Variants in KIRREL3 observed in about 807,000 individuals in gnomAD.
KIRREL3 encodes kirre like nephrin family adhesion molecule 3.
In KIRREL3, 36 loss-of-function variants were observed where a neutral mutation model predicts 89.7. That is an observed-to-expected ratio of 0.40 (90% CI 0.31 to 0.53). The LOEUF (loss-of-function observed/expected upper bound fraction) is 0.53, where lower values mean the gene tolerates loss of function less well. KIRREL3 is among the 20% of genes least tolerant of loss of function. The probability of loss-of-function intolerance (pLI) is 0.49; values close to 1 mark genes in which losing one functional copy is unlikely to be tolerated. For missense variants in KIRREL3, 864 were observed against 1,056.6 expected (o/e 0.82, Z 2.53); for synonymous variants, 445 against 441.4 (o/e 1.01, Z -0.10).
Position 126,575,748 on chromosome 11 carries a change from G to A in KIRREL3, c.56-12836C>T, listed in dbSNP as rs1286713417. ...GGGGCTGCCTGGTGGCTGTCCTGGG[G>A]CCGCTGTTCCTTCTATCAGGGATTC... On this transcript the variant is annotated intron_variant, in intron 1 of 16. Transcript: ENST00000525144. The surrounding 1 kb of genome is among the most constrained non-coding windows in gnomAD (Gnocchi z 7.0). Among the ~76,000 whole-genome samples, 2 of 152,086 alleles carry A rather than the reference G, an allele frequency of 1.3e-5. No individual in the cohort carries two copies. The highest frequency in any genetic ancestry group is 2.9e-5 in the Non-Finnish European group (2 of 68,014).
chr11:126,644,886 T>C (rs1366878663), intron 1 of KIRREL3, among the ~76,000 whole-genome samples: 2 of 152,136 alleles, frequency 1.3e-5, no homozygotes, highest in Non-Finnish European at 2.9e-5. Flanking sequence ...TGGTCACAAA[T>C]AGCTTGAGCC....
rs1947644067 is a variant in KIRREL3, at chr11:126,708,804, G to A, written c.56-145892C>T. On this transcript the variant is annotated intron_variant, in intron 1 of 16. Coordinates refer to ENST00000525144, the MANE Select transcript of KIRREL3 (RefSeq NM_032531.4). This position sits in a 1 kb window ranked among gnomAD's most constrained non-coding sequence, Gnocchi z 5.7. ...TCTCCAGCTCCCGTTCCTACCAAATGCACCAATCATCACTAAGCCAGGTCA... is the reference window on the plus strand; with the variant it reads ...TCTCCAGCTCCCGTTCCTACCAAATACACCAATCATCACTAAGCCAGGTCA... 6.6e-6 allele frequency among the ~76,000 whole-genome samples: 1 copy of A among 152,154 alleles called. No individual in the cohort carries two copies.
chr11:126,553,446 G>C lies in KIRREL3; in HGVS notation c.133+9389C>G, dbSNP rs1269677960. 6.6e-6 allele frequency among the ~76,000 whole-genome samples: 1 copy of C among 152,172 alleles called. No homozygotes were observed. Among genetic ancestry groups the C allele is most frequent in the Non-Finnish European group, 1.5e-5 (1 of 68,022 alleles). On this transcript the variant is annotated intron_variant, in intron 2 of 16. Transcript: ENST00000525144. The surrounding 1 kb of genome is among the most constrained non-coding windows in gnomAD (Gnocchi z 4.7). ...TTCCACATAGCCACTGGCAGTCTCTGTCTCTCTTGCTGGCAGACAGAATAG... is the reference window on the plus strand; with the variant it reads ...TTCCACATAGCCACTGGCAGTCTCTCTCTCTCTTGCTGGCAGACAGAATAG...
In KIRREL3 at chr11:126,490,116, C is replaced by T. The variant is rs978842076; in HGVS notation, c.434-16650G>A. 9.3e-5 allele frequency among the ~76,000 whole-genome samples: 14 copies of T among 150,836 alleles called. No homozygotes were observed. Among genetic ancestry groups the T allele is most frequent in the Admixed American group, 2.6e-4 (4 of 15,100 alleles). ...AGTCACAGTTAGCTCCCATGATGGG[C>T]ATTCGTGTTTGTGGCCAGAGGCATA... is the stretch of plus-strand genomic sequence containing the variant. On this transcript the variant is annotated intron_variant, in intron 4 of 16. Coordinates refer to ENST00000525144, the MANE Select transcript of KIRREL3 (RefSeq NM_032531.4). This position sits in a 1 kb window ranked among gnomAD's most constrained non-coding sequence, Gnocchi z 4.2.
rs566587671 is a variant in KIRREL3 at position 126,872,764 on chromosome 11, A to C, written c.55+127691T>G. Among the ~76,000 whole-genome samples, 5 of 152,208 alleles carry C rather than the reference A, an allele frequency of 3.3e-5. No individual in the cohort carries two copies. Among genetic ancestry groups the C allele is most frequent in the Non-Finnish European group, 5.9e-5 (4 of 68,044 alleles). On this transcript the variant is annotated intron_variant, in intron 1 of 16. Transcript: ENST00000525144. The surrounding 1 kb of genome is among the most constrained non-coding windows in gnomAD (Gnocchi z 4.2). ...AGAATGGTGCTGAATATGAATGAGA[A>C]AGTAAATTAGATACTGATCAGCTCT...
At chr11:126,938,486 C>T (rs995719334) in intron 1 of KIRREL3, among the ~76,000 whole-genome samples, 1 of 152,160 alleles carries the variant, frequency 6.6e-6, no homozygotes, top group Non-Finnish European at 1.5e-5. Flanking sequence ...GTGGTAGGGC[C>T]ACCATTCTAA....
chr11:126,602,275 G>C (rs1004109033), intron 1 of KIRREL3, among the ~76,000 whole-genome samples: 2 of 152,094 alleles, frequency 1.3e-5, no homozygotes, highest in South Asian at 4.1e-4. Flanking sequence ...GGGCTTTTTG[G>C]GTCTTGGGGT....
At chr11:126,961,132 T>C (rs1284502061) in intron 1 of KIRREL3, among the ~76,000 whole-genome samples, 1 of 152,168 alleles carries the variant, frequency 6.6e-6, no homozygotes, top group African/African-American at 2.4e-5. Context: ...GAGACACAAC[T>C]ATATTGAAAT....
chr11:126,506,785 T>TG (rs1958031453), intron 4 of KIRREL3, among the ~76,000 whole-genome samples: 1 of 151,874 alleles, frequency 6.6e-6, no homozygotes, highest in Admixed American at 6.6e-5. Flanking sequence ...CAATTTTTTT[T>TG]TTTTGTTTTT....
intron 1 of KIRREL3, among the ~76,000 whole-genome samples, chr11:126,839,924 C>T (rs1463091301): frequency 6.6e-6 from 1 of 152,220 alleles, no homozygotes; most frequent in African/African-American, 2.4e-5. Flanking sequence ...GATGAATCCT[C>T]TTCCTGCTGC....
intron 1 of KIRREL3, among the ~76,000 whole-genome samples, chr11:126,591,899 C>G (rs1428051847): frequency 6.6e-6 from 1 of 152,168 alleles, no homozygotes; most frequent in African/African-American, 2.4e-5. Flanking sequence ...AGGCCTGAGT[C>G]AGCCTGCCTT....
rs144393369 is a variant in KIRREL3 at position 126,899,561 on chromosome 11, C to T, written c.55+100894G>A. On this transcript the variant is annotated intron_variant, in intron 1 of 16. Transcript: ENST00000525144. ...CAATTTGAAACAAAGACAAGGAAGGCAAAGCTTCCTCAAATCTGGATCACC... is the reference window on the plus strand; with the variant it reads ...CAATTTGAAACAAAGACAAGGAAGGTAAAGCTTCCTCAAATCTGGATCACC... 7.4e-4 allele frequency among the ~76,000 whole-genome samples: 112 copies of T among 152,322 alleles called. 1 individual carries two copies. Among genetic ancestry groups the T allele is most frequent in the African/African-American group, 2.7e-3 (111 of 41,566 alleles).
intron 1 of KIRREL3, among the ~76,000 whole-genome samples, chr11:126,790,358 T>C (rs1156872581): frequency 4.6e-5 from 7 of 152,190 alleles, no homozygotes; most frequent in African/African-American, 1.7e-4. Context: ...GACAAAAGCA[T>C]AGCCTCCCAG....
chr11:126,717,610 G>A (rs1009116302), intron 1 of KIRREL3, among the ~76,000 whole-genome samples: 1 of 152,170 alleles, frequency 6.6e-6, no homozygotes, highest in Non-Finnish European at 1.5e-5. Flanking sequence ...CCTCCTGCTG[G>A]CCAGTCACCC....
chr11:126,893,359 T>A (rs1946002019), intron 1 of KIRREL3, among the ~76,000 whole-genome samples: 1 of 152,220 alleles, frequency 6.6e-6, no homozygotes, highest in Admixed American at 6.5e-5. Flanking sequence ...CTTCTAAACT[T>A]AAGTCATAGC....
Position 126,491,165 on chromosome 11 carries a change from G to A in KIRREL3, c.434-17699C>T, listed in dbSNP as rs1192291144. On this transcript the variant is annotated intron_variant, in intron 4 of 16. Coordinates refer to ENST00000525144, the MANE Select transcript of KIRREL3 (RefSeq NM_032531.4). This position sits in a 1 kb window ranked among gnomAD's most constrained non-coding sequence, Gnocchi z 5.5. ...ACTTTCTACCTGCGTGGACTCTGGC[G>A]AGTTGCACCTCCCCGGGCGTCAGCG... 2.0e-5 allele frequency among the ~76,000 whole-genome samples: 3 copies of A among 152,180 alleles called. No individual in the cohort carries two copies. The highest frequency in any genetic ancestry group is 4.4e-5 in the Non-Finnish European group (3 of 68,030).
intron 1 of KIRREL3, among the ~76,000 whole-genome samples, chr11:126,823,751 A>G: frequency 6.6e-6 from 1 of 152,224 alleles, no homozygotes; most frequent in East Asian, 1.9e-4. Flanking sequence ...GGGAGAGGGG[A>G]AAAGAAACAA....
At position 126,978,989 on chromosome 11, in the gene KIRREL3, A is replaced by G. The variant is rs1314992067; in HGVS notation, c.55+21466T>C. Among the ~76,000 whole-genome samples, 1 of 152,190 alleles carries G rather than the reference A, an allele frequency of 6.6e-6. No individual in the cohort carries two copies. Among genetic ancestry groups the G allele is most frequent in the Non-Finnish European group, 1.5e-5 (1 of 68,030 alleles). On this transcript the variant is annotated intron_variant, in intron 1 of 16. Coordinates refer to ENST00000525144, the MANE Select transcript of KIRREL3 (RefSeq NM_032531.4). This position sits in a 1 kb window ranked among gnomAD's most constrained non-coding sequence, Gnocchi z 4.2. ...GCCAGAAATGGGAAACATAATTTCAAGGGGGAGAATGGCAAATGTACAACT... is the reference window on the plus strand; with the variant it reads ...GCCAGAAATGGGAAACATAATTTCAGGGGGGAGAATGGCAAATGTACAACT...
rs963008002 is a variant in KIRREL3 at position 126,605,666 on chromosome 11, T to C, written c.56-42754A>G. Among the ~76,000 whole-genome samples, 1 of 152,178 alleles carries C rather than the reference T, an allele frequency of 6.6e-6. No individual in the cohort carries two copies. The highest frequency in any genetic ancestry group is 1.5e-5 in the Non-Finnish European group (1 of 68,038). ...TGTCGGTTTCACTTAATAAATACAT[T>C]GCCATTCTTGGCCACACATATCCGT... is the stretch of plus-strand genomic sequence containing the variant. On this transcript the variant is annotated intron_variant, in intron 1 of 16. Transcript: ENST00000525144. The surrounding 1 kb of genome is among the most constrained non-coding windows in gnomAD (Gnocchi z 5.7).
Sources: allele counts gnomAD v4.1 joint callset (sites outside exome capture counted in the v4.1 genomes callset), GRCh38; gene constraint gnomAD v4.1.1; non-coding constraint Gnocchi (gnomAD v3.1); transcripts MANE v1.5; gene names NCBI Gene and HGNC (gene_info 2026-07-23, HGNC 2026-07-21).